Variants in SPIRE1 observed in about 807,000 individuals in gnomAD.
SPIRE1 encodes the protein protein spire homolog 1.
In SPIRE1, 40 loss-of-function variants were observed where a neutral mutation model predicts 94.1. The ratio of observed to expected loss-of-function variants is 0.43; its 90% CI spans 0.33 to 0.55. The LOEUF is 0.55. SPIRE1 is among the 20% of genes least tolerant of loss of function. SPIRE1 has a pLI of 0.06. For synonymous variants in SPIRE1, 376 were observed against 371.7 expected, an observed-to-expected ratio of 1.01 and a Z score of -0.13; for missense variants, 838 against 975.2, an observed-to-expected ratio of 0.86 and a Z score of 1.87.
chr18:12,450,518 G>A (rs540981180), intron 16 of SPIRE1: 2 of 556,692 alleles, frequency 3.6e-6, no homozygotes, highest in South Asian at 2.9e-5. Flanking sequence ...GACGTGCAGA[G>A]AAGAACATAA....
At chr18:12,577,243 G>C (rs746133599) in intron 2 of SPIRE1, among the ~76,000 whole-genome samples, 1 of 91,858 alleles carries the variant, frequency 1.1e-5, no homozygotes, top group Non-Finnish European at 3.2e-5. Flanking sequence ...CGCCTCCCAG[G>C]GTTACACCAT....
intron 10 of SPIRE1, among the ~76,000 whole-genome samples, chr18:12,473,088 C>T (rs2032425810): frequency 6.6e-6 from 1 of 152,214 alleles, no homozygotes; most frequent in African/African-American, 2.4e-5. Flanking sequence ...AGCCACCACA[C>T]CCAGCCAAAT....
chr18:12,538,311 G>C (rs1235768775), intron 3 of SPIRE1, among the ~76,000 whole-genome samples: 1 of 152,076 alleles, frequency 6.6e-6, no homozygotes, highest in African/African-American at 2.4e-5. Flanking sequence ...AGGGGTTAGG[G>C]GGACAAAATT....
chr18:12,469,434 G>A (rs976977281), intron 10 of SPIRE1, among the ~76,000 whole-genome samples: 2 of 151,130 alleles, frequency 1.3e-5, no homozygotes, highest in East Asian at 3.9e-4. Context: ...GACCTCAAGT[G>A]ATCCTCCCGC....
At chr18:12,563,510 T>C (rs2035743017) in intron 2 of SPIRE1, among the ~76,000 whole-genome samples, 1 of 152,146 alleles carries the variant, frequency 6.6e-6, no homozygotes, top group Non-Finnish European at 1.5e-5. Flanking sequence ...TGAGTAGATA[T>C]AAATTAGAAC....
intron 2 of SPIRE1, among the ~76,000 whole-genome samples, chr18:12,624,780 C>T (rs1324357817): frequency 2.7e-5 from 4 of 147,308 alleles, no homozygotes; most frequent in East Asian, 2.0e-4. Flanking sequence ...TGCAGTGAGC[C>T]GAGATCACGC....
chr18:12,546,759 C>T lies in SPIRE1; in HGVS notation c.518G>A (p.Gly173Asp), dbSNP rs2035184312. The T allele has an allele frequency of 6.2e-7, 1 of 1,613,976 alleles. No homozygotes were observed. The highest frequency in any genetic ancestry group is 1.3e-5 in the African/African-American group (1 of 74,904). ...CAGGCCTTCTTCTGCAGCCTCATAG[C>T]CCTCATCATTGCTACCGTCAGCTTC... Reference protein sequence around the residue: ...TVEADGSNDEGYEAAEEGLGD... With the variant: ...TVEADGSNDEDYEAAEEGLGD... The change falls in exon 3 of 17, where the codon GGC becomes GAC. Residue 173 changes from glycine to aspartate, a missense_variant. Gly to Asp is a moderately conservative substitution (Grantham distance 94). This residue lies in a region of SPIRE1 where 645 missense variants were observed against 804.7 expected (regional missense o/e 0.80). Coordinates refer to ENST00000409402, the MANE Select transcript of SPIRE1 (RefSeq NM_001128626.2).
At chr18:12,456,113 G>A (rs1329432772) in intron 12 of SPIRE1, among the ~76,000 whole-genome samples, 1 of 152,212 alleles carries the variant, frequency 6.6e-6, no homozygotes, top group Non-Finnish European at 1.5e-5. Context: ...TAAGAGGACA[G>A]GGGGATGAGT....
chr18:12,503,065 C>T (rs540845615), intron 6 of SPIRE1, among the ~76,000 whole-genome samples: 1 of 150,688 alleles, frequency 6.6e-6, no homozygotes, highest in Admixed American at 6.6e-5. Flanking sequence ...GCCGAGATTA[C>T]GCCACGGTAC....
intron 2 of SPIRE1, among the ~76,000 whole-genome samples, chr18:12,611,704 C>G (rs2144687886): frequency 6.6e-6 from 1 of 152,280 alleles, no homozygotes; most frequent in Middle Eastern, 3.4e-3. Context: ...TGCTCTGTTG[C>G]CCAGGCTGGA....
intron 7 of SPIRE1, among the ~76,000 whole-genome samples, chr18:12,495,492 G>A (rs990545335): frequency 1.4e-4 from 22 of 152,166 alleles, no homozygotes; most frequent in Non-Finnish European, 1.0e-4. Flanking sequence ...TATCTAGGAG[G>A]TATATGACCA....
rs996489817 is a variant in SPIRE1, at chr18:12,449,466, A to G, written c.*172T>C. ...TTGGCGGACCTGTCACGTTTCATCA[A>G]TCGATACGAACACAGCATTCAGTCT... On this transcript the variant is annotated 3_prime_UTR_variant, in exon 17 of 17. Coordinates refer to ENST00000409402, the MANE Select transcript of SPIRE1 (RefSeq NM_001128626.2). The G allele has an allele frequency of 2.9e-6, 2 of 686,022 alleles. No individual in the cohort carries two copies. The highest frequency in any genetic ancestry group is 4.8e-6 in the Non-Finnish European group (2 of 416,622). 42.5% of individuals were successfully genotyped at this position (686,022 alleles called of 1,614,324 possible).
At chr18:12,513,431 T>G (rs1232957181) in intron 4 of SPIRE1, among the ~76,000 whole-genome samples, 2 of 152,192 alleles carry the variant, frequency 1.3e-5, no homozygotes, top group African/African-American at 4.8e-5. Flanking sequence ...ATCAAAAGAC[T>G]GTTTAAATGC....
intron 6 of SPIRE1, among the ~76,000 whole-genome samples, chr18:12,499,557 C>T (rs892897434): frequency 6.6e-6 from 1 of 150,698 alleles, no homozygotes; most frequent in Non-Finnish European, 1.5e-5. Flanking sequence ...AATGTTTGAC[C>T]CTTACCTTGC....
At chr18:12,603,361 A>T (rs1052526583) in intron 2 of SPIRE1, among the ~76,000 whole-genome samples, 2 of 152,132 alleles carry the variant, frequency 1.3e-5, no homozygotes, top group Non-Finnish European at 2.9e-5. Context: ...CTTCATCCCT[A>T]TCTCCTGGCA....
intron 2 of SPIRE1, among the ~76,000 whole-genome samples, chr18:12,581,048 CAT>C (rs1436799668): frequency 3.3e-5 from 5 of 152,166 alleles, no homozygotes; most frequent in African/African-American, 1.2e-4. Flanking sequence ...CTGTCTTGCA[CAT>C]GATAGGTACT....
chr18:12,604,760 C>T lies in SPIRE1; in HGVS notation c.372+30302G>A, dbSNP rs1482587006. Among the ~76,000 whole-genome samples, 3 of 152,322 alleles carry T rather than the reference C, an allele frequency of 2.0e-5. No individual in the cohort carries two copies. The East Asian group carries it at 5.8e-4, about 29-fold the overall frequency. ...ACGTTTTTGGACATAAATCAGATCACATCCTGTCAATCTGTTGAGAACTCT... is the reference window on the plus strand; with the variant it reads ...ACGTTTTTGGACATAAATCAGATCATATCCTGTCAATCTGTTGAGAACTCT... On this transcript the variant is annotated intron_variant, in intron 2 of 16. Coordinates refer to ENST00000409402, the MANE Select transcript of SPIRE1 (RefSeq NM_001128626.2).
chr18:12,562,630 T>G (rs2055381701), intron 2 of SPIRE1, among the ~76,000 whole-genome samples: 1 of 151,316 alleles, frequency 6.6e-6, no homozygotes, highest in African/African-American at 2.4e-5. Flanking sequence ...GCATTAGCTA[T>G]TTTTCCTGAT....
intron 2 of SPIRE1, among the ~76,000 whole-genome samples, chr18:12,632,433 C>A (rs1419614909): frequency 6.6e-6 from 1 of 152,174 alleles, no homozygotes; most frequent in Admixed American, 6.5e-5. Flanking sequence ...TTTTTAATTC[C>A]TTCTGTCATT....
Sources: gnomAD v4.1 joint callset for allele counts (sites outside exome capture counted in the v4.1 genomes callset) on GRCh38, gnomAD v4.1.1 for gene constraint, gnomAD v4.1.1 regional missense constraint, MANE v1.5 for transcripts, NCBI Gene and HGNC (gene_info 2026-07-23, HGNC 2026-07-21) for gene names.